PROSER1: variants seen among roughly 807,000 people sequenced by gnomAD.
PROSER1 encodes the protein proline and serine rich 1.
A neutral mutation model predicts 71.8 loss-of-function variants in PROSER1; 36 were observed. The observed-to-expected ratio is 0.50, with a 90% confidence interval of 0.38 to 0.66. The LOEUF (loss-of-function observed/expected upper bound fraction) is 0.66, where lower values mean the gene tolerates loss of function less well. Among genes scored for constraint, PROSER1 ranks in the 30% least tolerant of loss-of-function variants. The probability of loss-of-function intolerance (pLI) is 0.00; values close to 1 mark genes in which losing one functional copy is unlikely to be tolerated. For synonymous variants in PROSER1, 490 were observed against 452.4 expected (o/e 1.08, Z -1.06); for missense variants, 1,107 against 1,135.0 (o/e 0.98, Z 0.35).
At position 39,010,508 on chromosome 13, in the gene PROSER1, T is replaced by C. The variant is rs2138091136; in HGVS notation, c.*857A>G. The C allele has an allele frequency of 6.5e-6, 1 of 152,768 alleles. No homozygotes were observed. Among genetic ancestry groups the C allele is most frequent in the South Asian group, 2.1e-4 (1 of 4,832 alleles). The allele number at this position is 152,768 out of a possible 1,614,324, so 9.5% of individuals were successfully genotyped here. On this transcript the variant is annotated 3_prime_UTR_variant, in exon 13 of 13. Transcript: ENST00000352251. ...AGTCTTCTCTATTTGTTGTCACATA[T>C]TTCATATAAGCATTTGACTTAAAGT...
At chr13:39,022,715 A>G (rs551674283) in intron 8 of PROSER1, 399 of 387,980 alleles carry the variant, frequency 1.0e-3, no homozygotes, top group Non-Finnish European at 1.6e-3. Context: ...CCAAACGCAT[A>G]TACTTGACTT....
At chr13:39,016,164 T>C (rs544886519) in intron 10 of PROSER1, among the ~76,000 whole-genome samples, 6 of 152,094 alleles carry the variant, frequency 3.9e-5, no homozygotes, top group African/African-American at 1.2e-4. Flanking sequence ...CGAACAAAAA[T>C]AAAAAAAATC....
At chr13:39,028,760 C>T (rs1162132444) in intron 4 of PROSER1, among the ~76,000 whole-genome samples, 1 of 152,040 alleles carries the variant, frequency 6.6e-6, no homozygotes, top group African/African-American at 2.4e-5. Flanking sequence ...ATAACTTATA[C>T]ATTCTTCAGT....
chr13:39,010,591 C>G lies in PROSER1; in HGVS notation c.*774G>C, dbSNP rs17226781. ...ACATTCACCAGGAGCTTCCATAGTA[C>G]AGTAAGTAACAGAGGTGGCCCAAGA... On this transcript the variant is annotated 3_prime_UTR_variant, in exon 13 of 13. Coordinates refer to ENST00000352251, the MANE Select transcript of PROSER1 (RefSeq NM_025138.5). 0.011 allele frequency: 1,744 copies of G among 152,728 alleles called. 21 individuals are homozygous for G. Among genetic ancestry groups the G allele is most frequent in the Non-Finnish European group, 0.018 (1,197 of 68,024 alleles). The allele number at this position is 152,728 out of a possible 1,614,324, so 9.5% of individuals were successfully genotyped here.
chr13:39,029,268 A>AAAAT lies in PROSER1; in HGVS notation c.275+12_275+13insATTT. On this transcript the variant is annotated intron_variant, in intron 4 of 12. Transcript: ENST00000352251. ...CAAGTAAAAAAAAAAAAAAAAAAAA[A>AAAAT]AGAAATACTTACGAGGCTAACAGTT... 1 of 1,375,926 alleles carries AAAAT rather than the reference A, an allele frequency of 7.3e-7. No individual in the cohort carries two copies. The allele number at this position is 1,375,926 out of a possible 1,614,324, so 85.2% of individuals were successfully genotyped here.
chr13:39,014,525 G>A (rs773661027), intron 10 of PROSER1, 49 bp from the exon 11 acceptor site: 7 of 1,348,584 alleles, frequency 5.2e-6, no homozygotes, highest in East Asian at 4.7e-5. Context: ...ATGCTGAAAC[G>A]TCAAATTTTG....
chr13:39,032,594 T>C (rs1870899315), intron 2 of PROSER1, among the ~76,000 whole-genome samples: 1 of 152,174 alleles, frequency 6.6e-6, no homozygotes, highest in South Asian at 2.1e-4. Flanking sequence ...TTTTACTCCT[T>C]ATAAAGAGAT....
intron 10 of PROSER1, among the ~76,000 whole-genome samples, chr13:39,016,951 C>T (rs558428740): frequency 1.4e-4 from 21 of 152,324 alleles, no homozygotes; most frequent in African/African-American, 5.1e-4. Context: ...CCACACAGAT[C>T]ATCACCTAGG....
rs1870065600 is a variant in PROSER1 at position 39,017,562 on chromosome 13, A to AAAGT, written c.731-22_731-19dup. ...TTCATTCTCTATATAAAAATAAATA[A>AAAGT]AAGTTCATTTTAAACTTTAATCAAA... is the stretch of plus-strand genomic sequence containing the variant. On this transcript the variant is annotated intron_variant, in intron 9 of 12. Transcript: ENST00000352251. 2 of 1,326,618 alleles carry AAAGT rather than the reference A, an allele frequency of 1.5e-6. No individual in the cohort carries two copies. Among genetic ancestry groups the AAAGT allele is most frequent in the South Asian group, 2.7e-5 (2 of 75,398 alleles). 82.2% of individuals were successfully genotyped at this position (1,326,618 alleles called of 1,614,324 possible). A position where few individuals can be genotyped will look rare whatever the true frequency, so the allele number is the denominator to read the frequency against.
In PROSER1 at chr13:39,011,284, G is replaced by C; in HGVS notation, c.*81C>G. 2.1e-6 allele frequency: 3 copies of C among 1,437,652 alleles called. No individual in the cohort carries two copies. The highest frequency in any genetic ancestry group is 2.9e-6 in the Non-Finnish European group (3 of 1,044,266). The allele number at this position is 1,437,652 out of a possible 1,614,324, so 89.1% of individuals were successfully genotyped here. ...ATTCTCATTTTCCGACTTTTGGCCA[G>C]CTTCACATTTGTCAGATTGTTCATT... On this transcript the variant is annotated 3_prime_UTR_variant, in exon 13 of 13. Transcript: ENST00000352251.
At chr13:39,014,600 C>T (rs1593527814) in intron 10 of PROSER1, 124 bp from the exon 11 acceptor site, 3 of 718,038 alleles carry the variant, frequency 4.2e-6, no homozygotes, top group African/African-American at 3.6e-5. Context: ...ACAAGTATAA[C>T]AGGCTCTTGT....
intron 4 of PROSER1, 90 bp downstream of exon 4, chr13:39,029,191 G>T: frequency 1.5e-6 from 1 of 659,674 alleles, no homozygotes; most frequent in South Asian, 2.1e-5. Flanking sequence ...TATTTTGTTA[G>T]ACACATTAAC....
rs533557279 is a variant in PROSER1, at chr13:39,037,414, T to C, written c.-172A>G. The C allele has an allele frequency of 3.4e-6, 2 of 582,732 alleles. No individual in the cohort carries two copies. Among genetic ancestry groups the C allele is most frequent in the South Asian group, 4.6e-5 (2 of 43,146 alleles). The allele number at this position is 582,732 out of a possible 1,614,324, so 36.1% of individuals were successfully genotyped here. On this transcript the variant is annotated 5_prime_UTR_variant, in exon 1 of 13. Coordinates refer to ENST00000352251, the MANE Select transcript of PROSER1 (RefSeq NM_025138.5). ...AGTATTGCAAACTTCGCAAAAAAAA[T>C]TTCTAAAAATTGAGATTCAGAAAAA... is the stretch of plus-strand genomic sequence containing the variant.
chr13:39,014,508 TA>T (rs757088421), intron 10 of PROSER1, 32 bp from the exon 11 acceptor site: 15 of 1,495,908 alleles, frequency 1.0e-5, no homozygotes, highest in Non-Finnish European at 1.4e-5. Flanking sequence ...GGCAAGAATG[TA>T]TCATCATGCT....
intron 1 of PROSER1, among the ~76,000 whole-genome samples, 186 bp downstream of exon 1, chr13:39,037,012 G>GT (rs1483385240): frequency 6.6e-6 from 1 of 152,126 alleles, no homozygotes; most frequent in Non-Finnish European, 1.5e-5. Context: ...TGGCGTTAAC[G>GT]TAACTTAATT....
chr13:39,020,488 CATT>C (rs1390472821), intron 9 of PROSER1, among the ~76,000 whole-genome samples: 1 of 151,918 alleles, frequency 6.6e-6, no homozygotes, highest in Non-Finnish European at 1.5e-5. Flanking sequence ...CCTTATGAAA[CATT>C]AGAACACACT....
At chr13:39,015,215 G>A (rs1011431785) in intron 10 of PROSER1, among the ~76,000 whole-genome samples, 2 of 152,014 alleles carry the variant, frequency 1.3e-5, no homozygotes, top group African/African-American at 2.4e-5. Context: ...ACCCACTCAA[G>A]GACTATTCCC....
At chr13:39,035,215 G>C (rs1013433137) in intron 1 of PROSER1, among the ~76,000 whole-genome samples, 1 of 152,090 alleles carries the variant, frequency 6.6e-6, no homozygotes, top group Non-Finnish European at 1.5e-5. Flanking sequence ...TGTATTCCTA[G>C]GAGTTTTATT....
chr13:39,026,946 T>C (rs1327689889), intron 5 of PROSER1, among the ~76,000 whole-genome samples: 1 of 152,204 alleles, frequency 6.6e-6, no homozygotes, highest in Non-Finnish European at 1.5e-5. Flanking sequence ...AGCTGTTTAT[T>C]ACTGCATCCT....
Sources: gnomAD v4.1 joint callset for allele counts (sites outside exome capture counted in the v4.1 genomes callset) on GRCh38, gnomAD v4.1.1 for gene constraint, MANE v1.5 for transcripts, NCBI Gene and HGNC (gene_info 2026-07-23, HGNC 2026-07-21) for gene names.